Variants in LRRC31 observed in about 807,000 individuals in gnomAD.
LRRC31 encodes the protein leucine rich repeat containing 31.
LRRC31 carries 35 observed loss-of-function variants against 46.7 expected under a neutral mutation model. That is an observed-to-expected ratio of 0.75 (90% CI 0.57 to 0.99). The LOEUF (loss-of-function observed/expected upper bound fraction) is 0.99, where lower values mean the gene tolerates loss of function less well. LRRC31 is among the 50% of genes least tolerant of loss of function. LRRC31 has a pLI of 0.00. For missense variants in LRRC31, 613 were observed against 626.1 expected (o/e 0.98, Z 0.22); for synonymous variants, 236 against 235.1 (o/e 1.00, Z -0.03).
chr3:169,864,199 A>G (rs1325862996), intron 1 of LRRC31, among the ~76,000 whole-genome samples: 1 of 152,142 alleles, frequency 6.6e-6, no homozygotes, highest in Non-Finnish European at 1.5e-5. Context: ...CTTTACTGTC[A>G]AATGTTTGGA....
Position 169,860,628 on chromosome 3 carries a change from C to T in LRRC31, c.420G>A (p.Leu140=). 6.2e-7 allele frequency: 1 copy of T among 1,614,122 alleles called. No homozygotes were observed. ...GCCTCAAGATTTTTAACTTGCTGAC[C>T]AGATGCATTTGCTGAGTGATGGAAA... ...TLLSITQQMH[L]VSKLKILRLG... The change falls in exon 3 of 9, where the codon CTG becomes CTA. Residue 140 remains leucine, a synonymous_variant. Transcript: ENST00000316428.
At chr3:169,857,076 C>G (rs1231169082) in intron 3 of LRRC31, among the ~76,000 whole-genome samples, 2 of 151,930 alleles carry the variant, frequency 1.3e-5, no homozygotes, top group South Asian at 2.1e-4. Flanking sequence ...CACAGTCATT[C>G]TAATCCCTCC....
intron 7 of LRRC31, among the ~76,000 whole-genome samples, chr3:169,849,784 C>T (rs1387870212): frequency 6.6e-6 from 1 of 152,250 alleles, no homozygotes. Flanking sequence ...TCCATCCTCA[C>T]AAAAGAAAAG....
intron 1 of LRRC31, among the ~76,000 whole-genome samples, chr3:169,864,599 T>C (rs1225511229): frequency 2.6e-5 from 4 of 152,216 alleles, no homozygotes; most frequent in Non-Finnish European, 4.4e-5. Context: ...CTGAGAGGTA[T>C]TTGGTAAATA....
chr3:169,859,419 C>T (rs1485535668), intron 3 of LRRC31, among the ~76,000 whole-genome samples: 1 of 152,192 alleles, frequency 6.6e-6, no homozygotes, highest in African/African-American at 2.4e-5. Context: ...CAGCTGCCCC[C>T]ATTTCCAGGG....
At chr3:169,849,778 T>C (rs535061509) in intron 7 of LRRC31, among the ~76,000 whole-genome samples, 21 of 152,312 alleles carry the variant, frequency 1.4e-4, no homozygotes, top group African/African-American at 4.8e-4. Flanking sequence ...CAAAATTCCA[T>C]CCTCACAAAA....
intron 5 of LRRC31, 75 bp from the exon 6 acceptor site, chr3:169,855,055 C>T (rs968530216): frequency 7.7e-7 from 1 of 1,292,522 alleles, no homozygotes; most frequent in South Asian, 1.3e-5. Context: ...GCTAGGGAGA[C>T]CAAGGCAGGA....
At position 169,856,740 on chromosome 3, in the gene LRRC31, T is replaced by C. The variant is rs750556153; in HGVS notation, c.620A>G (p.Asp207Gly). 1 of 1,602,860 alleles carries C rather than the reference T, an allele frequency of 6.2e-7. No individual in the cohort carries two copies. The highest frequency in any genetic ancestry group is 8.5e-7 in the Non-Finnish European group (1 of 1,174,692). Residue 207 changes from aspartate (D) to glycine (G), a missense_variant, in exon 4 of 9, where the codon GAT (aspartate) becomes GGT (glycine). Asp to Gly is a moderately conservative substitution (Grantham distance 94, BLOSUM62 -1). Transcript: ENST00000316428. ...CCCATCTTCTGACGTGAGGGAGCAA[T>C]CCACAAGCTCAATCATTTGTATCTT... is the stretch of plus-strand genomic sequence containing the variant. ...GSKIQMIELV[D>G]CSLTSEDGTF...
chr3:169,850,111 T>C (rs1312802029), intron 7 of LRRC31, among the ~76,000 whole-genome samples: 1 of 152,176 alleles, frequency 6.6e-6, no homozygotes, highest in East Asian at 1.9e-4. Flanking sequence ...TAAAAATGAA[T>C]TGTACTGTCC....
In LRRC31 at chr3:169,840,155, G is replaced by C; in HGVS notation, c.1486C>G (p.Arg496Gly). 1 of 1,614,030 alleles carries C rather than the reference G, an allele frequency of 6.2e-7. No individual in the cohort carries two copies. The highest frequency in any genetic ancestry group is 8.5e-7 in the Non-Finnish European group (1 of 1,179,998). Residue 496 changes from arginine (R) to glycine (G), a missense_variant, in exon 9 of 9, where the codon CGA becomes GGA. Coordinates refer to ENST00000316428, the MANE Select transcript of LRRC31 (RefSeq NM_024727.4). ...LDISLRPSNF[R>G]DCGQWFRHLL... is the part of the protein sequence containing the mutation. ...TGTCTAAACCATTGTCCACAATCTCGAAAATTTGATGGTCGAAGGCTAATA... is the reference window on the plus strand; with the variant it reads ...TGTCTAAACCATTGTCCACAATCTCCAAAATTTGATGGTCGAAGGCTAATA...
intron 5 of LRRC31, among the ~76,000 whole-genome samples, chr3:169,856,007 A>G (rs1030665598): frequency 2.0e-5 from 3 of 151,966 alleles, no homozygotes; most frequent in Non-Finnish European, 4.4e-5. Flanking sequence ...CAGCCTCCCA[A>G]GTAGCTGGGA....
rs747672742 is a variant in LRRC31, at chr3:169,869,734, A to T, written c.74T>A (p.Leu25His). 23 of 1,613,280 alleles carry T rather than the reference A, an allele frequency of 1.4e-5. No individual in the cohort carries two copies. The African/African-American group carries it at 2.5e-4, about 18-fold the overall frequency. The change falls in exon 1 of 9, where the codon CTC becomes CAC. Residue 25 changes from leucine (L) to histidine (H), a missense_variant. Leu to His is a moderately conservative substitution (Grantham distance 99). Coordinates refer to ENST00000316428, the MANE Select transcript of LRRC31 (RefSeq NM_024727.4). ...KPQTSTVNKF[L>H]RGSNAESRKE... ...TCTGCTTTCAGCATTGGAGCCCCTG[A>T]GAAATTTGTTGACAGTTGAAGTCTG... is the stretch of plus-strand genomic sequence containing the variant.
intron 3 of LRRC31, among the ~76,000 whole-genome samples, chr3:169,859,469 G>GT: frequency 6.6e-6 from 1 of 152,260 alleles, no homozygotes; most frequent in South Asian, 2.1e-4. Context: ...AAAATGTGTT[G>GT]TTTTTACAGA....
At chr3:169,853,638 T>C in intron 6 of LRRC31, 1 of 985,836 alleles carries the variant, frequency 1.0e-6, no homozygotes, top group Non-Finnish European at 1.2e-6. Flanking sequence ...CCCATAATGC[T>C]CCACGCAAAG....
At chr3:169,861,388 A>AAG (rs199791705) in intron 2 of LRRC31, among the ~76,000 whole-genome samples, 3,626 of 150,964 alleles carry the variant, frequency 0.024, 134 homozygotes, top group African/African-American at 0.084. Flanking sequence ...AAAAAAAGAA[A>AAG]AAAGAAAAAA....
intron 3 of LRRC31, among the ~76,000 whole-genome samples, chr3:169,857,345 T>TATATATATATATATATATACACACAC (rs1491209579): frequency 4.5e-5 from 4 of 89,426 alleles, no homozygotes; most frequent in Non-Finnish European, 8.3e-5. Context: ...TATATATATA[T>TATATATATATATATATATACACACAC]ACACACACAC....
intron 6 of LRRC31, chr3:169,853,197 C>T: frequency 1.0e-6 from 1 of 984,826 alleles, no homozygotes; most frequent in Non-Finnish European, 1.2e-6. Context: ...CGGTGCCCCA[C>T]ACCATTAGAG....
At chr3:169,852,399 T>C in intron 6 of LRRC31, among the ~76,000 whole-genome samples, 1 of 88,224 alleles carries the variant, frequency 1.1e-5, no homozygotes, top group African/African-American at 4.6e-5. Context: ...TGAGACTCCG[T>C]CTCAAAAAAA....
intron 8 of LRRC31, among the ~76,000 whole-genome samples, chr3:169,842,186 T>C (rs1226510320): frequency 6.6e-6 from 1 of 152,158 alleles, no homozygotes. Context: ...ATGTAGGCCA[T>C]GGGTATACTC....
Sources: gnomAD v4.1 joint callset for allele counts (sites outside exome capture counted in the v4.1 genomes callset) on GRCh38, gnomAD v4.1.1 for gene constraint, MANE v1.5 for transcripts, NCBI Gene and HGNC (gene_info 2026-07-23, HGNC 2026-07-21) for gene names.